Variants in ATRNL1 observed in about 807,000 individuals in gnomAD.
ATRNL1 encodes attractin-like protein 1.
A neutral mutation model predicts 182.7 loss-of-function variants in ATRNL1; 95 were observed. The observed-to-expected ratio is 0.52, with a 90% confidence interval of 0.44 to 0.62. The LOEUF is 0.62. ATRNL1 is among the 20% of genes least tolerant of loss of function. The pLI is 0.00. For synonymous variants in ATRNL1, 576 were observed against 568.3 expected, an observed-to-expected ratio of 1.01 and a Z score of -0.19; for missense variants, 1,471 against 1,679.5, an observed-to-expected ratio of 0.88 and a Z score of 2.17.
At chr10:115,232,144 A>C (rs895293076) in intron 9 of ATRNL1, among the ~76,000 whole-genome samples, 1 of 152,168 alleles carries the variant, frequency 6.6e-6, no homozygotes, top group Non-Finnish European at 1.5e-5. Context: ...AATAGTATAA[A>C]TGCTTGTTCA....
chr10:115,120,707 A>T (rs1370718320), intron 2 of ATRNL1, among the ~76,000 whole-genome samples: 1 of 152,088 alleles, frequency 6.6e-6, no homozygotes, highest in Non-Finnish European at 1.5e-5. Flanking sequence ...GGCTTGAAAC[A>T]ATCTATCTAT....
At chr10:115,799,310 A>G (rs1236553121) in intron 27 of ATRNL1, among the ~76,000 whole-genome samples, 1 of 152,206 alleles carries the variant, frequency 6.6e-6, no homozygotes, top group Non-Finnish European at 1.5e-5. Context: ...AAATTAGAAT[A>G]GCTTGAATTG....
At chr10:115,585,489 T>C (rs1222374651) in intron 26 of ATRNL1, among the ~76,000 whole-genome samples, 4 of 123,836 alleles carry the variant, frequency 3.2e-5, no homozygotes, top group Middle Eastern at 4.3e-3. Context: ...AATTGATCCC[T>C]TTACCATTAT....
At chr10:115,820,445 G>T (rs1555089908) in intron 27 of ATRNL1, 1 of 152,094 alleles carries the variant, frequency 6.6e-6, no homozygotes, top group African/African-American at 2.4e-5. Context: ...GATACAGAAA[G>T]GAGATGGAAC....
intron 2 of ATRNL1, among the ~76,000 whole-genome samples, chr10:115,121,460 T>C (rs2143631526): frequency 6.6e-6 from 1 of 152,268 alleles, no homozygotes; most frequent in Non-Finnish European, 1.5e-5. Context: ...CATACATATG[T>C]CCTGTTAATA....
At chr10:115,365,315 T>G (rs1271085203) in intron 19 of ATRNL1, among the ~76,000 whole-genome samples, 3 of 151,636 alleles carry the variant, frequency 2.0e-5, no homozygotes, top group Middle Eastern at 3.4e-3. Context: ...CATAGAGGTG[T>G]TTGTAGTATT....
chr10:115,565,636 C>T (rs983169561), intron 26 of ATRNL1, among the ~76,000 whole-genome samples: 12 of 152,068 alleles, frequency 7.9e-5, no homozygotes, highest in Non-Finnish European at 4.4e-5. Flanking sequence ...TAGAAGCACA[C>T]ACTCATCAAC....
intron 19 of ATRNL1, among the ~76,000 whole-genome samples, chr10:115,368,931 C>G (rs1219571950): frequency 6.6e-6 from 1 of 152,012 alleles, no homozygotes; most frequent in Non-Finnish European, 1.5e-5. Context: ...TAAAGCTGGT[C>G]TTGAACTCCT....
intron 26 of ATRNL1, among the ~76,000 whole-genome samples, chr10:115,577,614 G>GTGTGTGTA (rs1356084824): frequency 1.5e-5 from 1 of 67,368 alleles, no homozygotes; most frequent in Non-Finnish European, 2.9e-5. Context: ...AACAGGTTGT[G>GTGTGTGTA]TGTGTGTGTG....
intron 26 of ATRNL1, among the ~76,000 whole-genome samples, chr10:115,561,541 T>C (rs1853708665): frequency 6.6e-6 from 1 of 152,172 alleles, no homozygotes; most frequent in African/African-American, 2.4e-5. Context: ...ATGATATAAA[T>C]GGGAAAATGT....
At position 115,171,306 on chromosome 10, in the gene ATRNL1, A is replaced by C. The variant is rs781826165; in HGVS notation, c.1348+14A>C. On this transcript the variant is annotated intron_variant, in intron 8 of 28. Transcript: ENST00000355044. ...AATACCATATCTGTGAGTTACTTAA[A>C]AATTGTAATTTCTTTATTGATTGGG... The C allele has an allele frequency of 2.0e-6, 3 of 1,529,802 alleles. No homozygotes were observed. Among genetic ancestry groups the C allele is most frequent in the South Asian group, 2.6e-5 (2 of 78,048 alleles). 94.8% of individuals were successfully genotyped at this position (1,529,802 alleles called of 1,614,324 possible).
chr10:115,192,611 C>A (rs944335240), intron 8 of ATRNL1, among the ~76,000 whole-genome samples: 4 of 151,952 alleles, frequency 2.6e-5, no homozygotes, highest in Middle Eastern at 3.4e-3. Flanking sequence ...ATTTTAGGAT[C>A]ATTCTTTCTG....
intron 5 of ATRNL1, among the ~76,000 whole-genome samples, chr10:115,151,053 A>G (rs1846202935): frequency 6.6e-6 from 1 of 152,192 alleles, no homozygotes; most frequent in African/African-American, 2.4e-5. Context: ...ACATGAACTC[A>G]TCATTTTTTA....
At chr10:115,431,159 C>A (rs1554963851) in intron 21 of ATRNL1, among the ~76,000 whole-genome samples, 1 of 152,108 alleles carries the variant, frequency 6.6e-6, no homozygotes, top group Non-Finnish European at 1.5e-5. Context: ...GTAATGCCAA[C>A]ACTTTGGGAG....
At chr10:115,235,316 A>G (rs1850133953) in intron 9 of ATRNL1, among the ~76,000 whole-genome samples, 1 of 152,200 alleles carries the variant, frequency 6.6e-6, no homozygotes, top group African/African-American at 2.4e-5. Flanking sequence ...TATTCATAAT[A>G]TTGTGCAACT....
At chr10:115,486,697 T>G (rs554084762) in intron 24 of ATRNL1, among the ~76,000 whole-genome samples, 1 of 152,300 alleles carries the variant, frequency 6.6e-6, no homozygotes, top group African/African-American at 2.4e-5. Context: ...AGGTTGCCTG[T>G]TCACTCTGAT....
At position 115,241,504 on chromosome 10, in the gene ATRNL1, A is replaced by G. The variant is rs781945104; in HGVS notation, c.1533-67A>G. ...TCTATATGCAAAGTAGACCCTTTAT[A>G]TAACATATATAAAATCAGGGAGGTC... is the stretch of plus-strand genomic sequence containing the variant. On this transcript the variant is annotated intron_variant, in intron 9 of 28. Transcript: ENST00000355044. 4.7e-4 allele frequency: 533 copies of G among 1,130,140 alleles called. 5 individuals carry two copies. In the Middle Eastern group the frequency reaches 0.012, roughly 25 times the overall value. 70.0% of individuals were successfully genotyped at this position (1,130,140 alleles called of 1,614,324 possible).
At chr10:115,661,665 A>AT (rs1335050368) in intron 26 of ATRNL1, among the ~76,000 whole-genome samples, 1 of 152,086 alleles carries the variant, frequency 6.6e-6, no homozygotes, top group Non-Finnish European at 1.5e-5. Flanking sequence ...CAGCCACGTG[A>AT]TTTTCTGTCA....
At chr10:115,822,588 A>T (rs1950329925) in intron 27 of ATRNL1, among the ~76,000 whole-genome samples, 1 of 151,780 alleles carries the variant, frequency 6.6e-6, no homozygotes, top group Admixed American at 6.6e-5. Context: ...ATAAAAAATG[A>T]TAAAGGAAAT....
Sources: allele counts gnomAD v4.1 joint callset (sites outside exome capture counted in the v4.1 genomes callset), GRCh38; gene constraint gnomAD v4.1.1; transcripts MANE v1.5; gene names NCBI Gene and HGNC (gene_info 2026-07-23, HGNC 2026-07-21).